The following KCNT2 variants were observed in gnomAD, a reference collection of about 807,000 sequenced individuals.
KCNT2 encodes potassium sodium-activated channel subfamily T member 2.
In KCNT2, 67 loss-of-function variants were observed where a neutral mutation model predicts 153.8. The ratio of observed to expected loss-of-function variants is 0.44; its 90% CI spans 0.36 to 0.53. The LOEUF is 0.53. KCNT2 is among the 20% of genes least tolerant of loss of function. The probability of loss-of-function intolerance (pLI) is 0.00; values close to 1 mark genes in which losing one functional copy is unlikely to be tolerated. For missense variants in KCNT2, 975 were observed against 1,354.8 expected, an observed-to-expected ratio of 0.72 and a Z score of 4.40; for synonymous variants, 500 against 458.8, an observed-to-expected ratio of 1.09 and a Z score of -1.15.
At chr1:196,269,274 AC>A (rs1400911829) in intron 25 of KCNT2, among the ~76,000 whole-genome samples, 2 of 152,180 alleles carry the variant, frequency 1.3e-5, no homozygotes, top group African/African-American at 4.8e-5. Context: ...AATAATAAAA[AC>A]GTAGGCATGA....
intron 23 of KCNT2, among the ~76,000 whole-genome samples, chr1:196,284,101 C>T (rs950048313): frequency 2.7e-5 from 4 of 149,040 alleles, no homozygotes; most frequent in Non-Finnish European, 6.0e-5. Context: ...TGTAATGGTG[C>T]ACACCTGTAA....
At chr1:196,600,299 C>T (rs1264207791) in intron 1 of KCNT2, among the ~76,000 whole-genome samples, 1 of 152,160 alleles carries the variant, frequency 6.6e-6, no homozygotes, top group Non-Finnish European at 1.5e-5. Context: ...TCTTAGGGTC[C>T]GCCAATACCG....
chr1:196,529,136 A>T (rs1388497994), intron 1 of KCNT2, among the ~76,000 whole-genome samples: 1 of 152,158 alleles, frequency 6.6e-6, no homozygotes, highest in East Asian at 1.9e-4. Flanking sequence ...TTTGCAAAGT[A>T]ACTTAAAAAT....
chr1:196,571,050 A>C (rs1324391881), intron 1 of KCNT2, among the ~76,000 whole-genome samples: 1 of 152,116 alleles, frequency 6.6e-6, no homozygotes, highest in Admixed American at 6.5e-5. Context: ...CCCACTAAGA[A>C]GTAAGCCCCA....
At chr1:196,570,528 G>T (rs1660655983) in intron 1 of KCNT2, among the ~76,000 whole-genome samples, 1 of 152,016 alleles carries the variant, frequency 6.6e-6, no homozygotes, top group Non-Finnish European at 1.5e-5. Context: ...TGAAAAGCTT[G>T]AAACTATGAG....
chr1:196,594,043 A>G (rs1032927443), intron 1 of KCNT2, among the ~76,000 whole-genome samples: 3 of 152,016 alleles, frequency 2.0e-5, no homozygotes, highest in African/African-American at 7.2e-5. Flanking sequence ...TCAATTCTGT[A>G]TAACTACCAC....
rs116146074 is a variant in KCNT2 at position 196,313,232 on chromosome 1, T to C, written c.2483+2660A>G. Among the ~76,000 whole-genome samples, 673 of 151,508 alleles carry C rather than the reference T, an allele frequency of 4.4e-3. 4 individuals carry two copies. Among genetic ancestry groups the C allele is most frequent in the African/African-American group, 0.015 (612 of 41,364 alleles). On this transcript the variant is annotated intron_variant, in intron 21 of 27. Coordinates refer to ENST00000294725, the MANE Select transcript of KCNT2 (RefSeq NM_198503.5). ...AGTGTGGTCAAAGGACTATTAAGAG[T>C]TGAGAATATTAGAAGAAATTAGATA...
chr1:196,557,468 C>T (rs1399634711), intron 1 of KCNT2, among the ~76,000 whole-genome samples: 2 of 150,964 alleles, frequency 1.3e-5, no homozygotes, highest in African/African-American at 2.4e-5. Context: ...TCAGTGAACA[C>T]TGTAGCTTAG....
intron 26 of KCNT2, among the ~76,000 whole-genome samples, chr1:196,253,909 C>A (rs1159845857): frequency 6.6e-6 from 1 of 151,474 alleles, no homozygotes; most frequent in African/African-American, 2.4e-5. Flanking sequence ...TGTGCCAAAA[C>A]ACAGCACTTG....
At chr1:196,598,581 A>T (rs12133639) in intron 1 of KCNT2, among the ~76,000 whole-genome samples, 19,360 of 152,216 alleles carry the variant, frequency 0.13, 3,867 homozygotes, top group African/African-American at 0.43. Flanking sequence ...GACTTTTCTG[A>T]CTTCAAAAGC....
chr1:196,293,759 C>T (rs1660411819), intron 22 of KCNT2, among the ~76,000 whole-genome samples: 1 of 151,460 alleles, frequency 6.6e-6, no homozygotes, highest in African/African-American at 2.4e-5. Context: ...CACAACATTG[C>T]TCTGGGCAAT....
intron 13 of KCNT2, among the ~76,000 whole-genome samples, chr1:196,391,528 TA>T (rs1558234290): frequency 6.6e-6 from 1 of 151,166 alleles, no homozygotes; most frequent in African/African-American, 2.4e-5. Context: ...TATACAACTA[TA>T]AAAAACATTA....
At chr1:196,433,094 C>T (rs891906562) in intron 8 of KCNT2, among the ~76,000 whole-genome samples, 1 of 152,016 alleles carries the variant, frequency 6.6e-6, no homozygotes, top group Non-Finnish European at 1.5e-5. Flanking sequence ...TGCCCTTCTG[C>T]CTTGGGAGGA....
intron 1 of KCNT2, among the ~76,000 whole-genome samples, chr1:196,570,176 C>A (rs975872309): frequency 6.7e-6 from 1 of 150,360 alleles, no homozygotes; most frequent in Admixed American, 6.6e-5. Context: ...CCACTAAAAG[C>A]AACCAAAAAC....
At chr1:196,341,221 T>G (rs1257423831) in intron 15 of KCNT2, among the ~76,000 whole-genome samples, 1 of 152,028 alleles carries the variant, frequency 6.6e-6, no homozygotes, top group Non-Finnish European at 1.5e-5. Flanking sequence ...CTAGCCAACC[T>G]TAAACATACT....
Position 196,333,935 on chromosome 1 carries a change from C to T in KCNT2, c.1909G>A (p.Asp637Asn). The T allele has an allele frequency of 6.2e-7, 1 of 1,612,612 alleles. No homozygotes were observed. Among genetic ancestry groups the T allele is most frequent in the Non-Finnish European group, 8.5e-7 (1 of 1,178,970 alleles). ...PSIAPVLEVA[D>N]TSSIQTCDLL... ...TCACATGTTTGAATCGATGATGTAT[C>T]TGCAACCTCTAAAACAGGAGCAATG... The change falls in exon 17 of 28, where the codon GAT becomes AAT. Residue 637 changes from aspartate (D) to asparagine (N), a missense_variant. Coordinates refer to ENST00000294725, the MANE Select transcript of KCNT2 (RefSeq NM_198503.5).
intron 21 of KCNT2, among the ~76,000 whole-genome samples, chr1:196,314,647 G>A (rs187201137): frequency 2.0e-5 from 3 of 151,478 alleles, no homozygotes; most frequent in Non-Finnish European, 3.0e-5. Flanking sequence ...ACACTGCAAG[G>A]TCGGTTATTT....
chr1:196,273,518 A>G (rs1214938918), intron 25 of KCNT2: 3 of 1,515,634 alleles, frequency 2.0e-6, no homozygotes, highest in East Asian at 2.5e-5. Flanking sequence ...AAAGAAACAC[A>G]CAAAACACAG....
chr1:196,434,012 T>A (rs1674394249), intron 8 of KCNT2, among the ~76,000 whole-genome samples: 1 of 151,986 alleles, frequency 6.6e-6, no homozygotes, highest in Admixed American at 6.6e-5. Context: ...CCCAGCAAAA[T>A]CGCCCTCGTT....
Sources: gnomAD v4.1 joint callset for allele counts (sites outside exome capture counted in the v4.1 genomes callset) on GRCh38, gnomAD v4.1.1 for gene constraint, MANE v1.5 for transcripts, NCBI Gene and HGNC (gene_info 2026-07-23, HGNC 2026-07-21) for gene names.